MARCHF1: variants seen among roughly 807,000 people sequenced by gnomAD.
The protein encoded by MARCHF1 is membrane associated ring-CH-type finger 1, also known as E3 ubiquitin-protein ligase MARCHF1.
MARCHF1 carries 40 observed loss-of-function variants against 54.2 expected under a neutral mutation model. That is an observed-to-expected ratio of 0.74 (90% CI 0.57 to 0.96). The LOEUF (loss-of-function observed/expected upper bound fraction) is 0.96. Among genes scored for constraint, MARCHF1 ranks in the 40% least tolerant of loss-of-function variants. The probability of loss-of-function intolerance (pLI) is 0.00; values close to 1 mark genes in which losing one functional copy is unlikely to be tolerated. For synonymous variants in MARCHF1, 236 were observed against 236.3 expected (o/e 1.00, Z 0.01); for missense variants, 586 against 656.5 (o/e 0.89, Z 1.17).
At position 163,691,475 on chromosome 4, in the gene MARCHF1, T is replaced by C. The variant is rs551539516; in HGVS notation, c.162+9338A>G. Among the ~76,000 whole-genome samples, 5 of 152,178 alleles carry C rather than the reference T, an allele frequency of 3.3e-5. No homozygotes were observed. In the South Asian group the frequency reaches 1.0e-3, roughly 32 times the overall value. On this transcript the variant is annotated intron_variant, in intron 5 of 9. Transcript: ENST00000514618. ...TAGTGTGGCTGTAAGTGGAGAAATA[T>C]AGAAATTATGGCCTGATAAGAGAAT...
chr4:163,849,390 T>C (rs963117732), intron 4 of MARCHF1, among the ~76,000 whole-genome samples: 1 of 152,140 alleles, frequency 6.6e-6, no homozygotes, highest in Admixed American at 6.5e-5. Context: ...TTTAGATGGG[T>C]ATAATTTGTA....
rs17044871 is a variant in MARCHF1, at chr4:164,282,622, T to C, written c.-323+101248A>G. Reference sequence around the variant, plus strand: ...CCCTATTTCACTCAAAAATACTCAATTGGTCTTTTGGCCAGAATGCTTTTT... The same window carrying C: ...CCCTATTTCACTCAAAAATACTCAACTGGTCTTTTGGCCAGAATGCTTTTT... On this transcript the variant is annotated intron_variant, in intron 1 of 9. Coordinates refer to ENST00000514618, the MANE Select transcript of MARCHF1 (RefSeq NM_001394959.1). 6.3e-3 allele frequency among the ~76,000 whole-genome samples: 955 copies of C among 151,292 alleles called. 32 individuals carry two copies. The highest frequency in any genetic ancestry group is 0.022 in the African/African-American group (916 of 41,298).
intron 1 of MARCHF1, among the ~76,000 whole-genome samples, chr4:164,315,859 A>T (rs1300574750): frequency 6.6e-6 from 1 of 152,194 alleles, no homozygotes; most frequent in Admixed American, 6.5e-5. Context: ...GCTAAACATC[A>T]ACCTGATTTT....
At chr4:164,043,234 C>T (rs957254070) in intron 2 of MARCHF1, among the ~76,000 whole-genome samples, 2 of 152,208 alleles carry the variant, frequency 1.3e-5, no homozygotes, top group Non-Finnish European at 2.9e-5. Flanking sequence ...AAAGGTTCTC[C>T]ATGAGGGCTC....
At chr4:163,873,359 C>T (rs912924699) in intron 3 of MARCHF1, among the ~76,000 whole-genome samples, 6 of 152,168 alleles carry the variant, frequency 3.9e-5, no homozygotes, top group African/African-American at 1.4e-4. Flanking sequence ...TCTGCCACTC[C>T]AGACTTCCTT....
intron 1 of MARCHF1, among the ~76,000 whole-genome samples, chr4:164,239,944 GTACATGCT>G (rs1270871076): frequency 2.6e-5 from 4 of 152,120 alleles, no homozygotes; most frequent in African/African-American, 9.7e-5. Context: ...GCATTGATAA[GTACATGCT>G]TAAGTAGAGT....
intron 3 of MARCHF1, among the ~76,000 whole-genome samples, chr4:163,864,706 G>C (rs1346530827): frequency 6.6e-6 from 1 of 151,850 alleles, no homozygotes; most frequent in African/African-American, 2.4e-5. Context: ...TTTAAAAAAT[G>C]TGAATTATAT....
At chr4:164,036,133 A>C (rs1753995351) in intron 2 of MARCHF1, among the ~76,000 whole-genome samples, 1 of 57,872 alleles carries the variant, frequency 1.7e-5, no homozygotes, top group African/African-American at 1.7e-4. Context: ...ACAAAAAACA[A>C]AAAAAAAAAC....
At chr4:163,600,235 C>A (rs1171618433) in intron 7 of MARCHF1, among the ~76,000 whole-genome samples, 4 of 152,162 alleles carry the variant, frequency 2.6e-5, no homozygotes, top group South Asian at 4.1e-4. Flanking sequence ...ACTACACACA[C>A]ACACATATAT....
At chr4:163,749,827 C>T (rs566031098) in intron 4 of MARCHF1, among the ~76,000 whole-genome samples, 21 of 151,730 alleles carry the variant, frequency 1.4e-4, no homozygotes, top group Middle Eastern at 3.4e-3. Flanking sequence ...TTCGGGAGGC[C>T]GAGGCAGGCA....
At chr4:164,198,388 G>A (rs1187094863) in intron 1 of MARCHF1, among the ~76,000 whole-genome samples, 4 of 152,094 alleles carry the variant, frequency 2.6e-5, no homozygotes, top group Admixed American at 6.6e-5. Flanking sequence ...TGGCATGTAT[G>A]TTTATTTAGA....
At chr4:164,122,849 G>T (rs1008032859) in intron 1 of MARCHF1, among the ~76,000 whole-genome samples, 1 of 152,014 alleles carries the variant, frequency 6.6e-6, no homozygotes, top group African/African-American at 2.4e-5. Context: ...AAAACTGAAA[G>T]CCTTTCCTCT....
At chr4:163,793,211 C>A (rs796498714) in intron 4 of MARCHF1, among the ~76,000 whole-genome samples, 1 of 152,168 alleles carries the variant, frequency 6.6e-6, no homozygotes, top group Non-Finnish European at 1.5e-5. Context: ...CAAGTTGCCA[C>A]GGCAATGCAA....
intron 9 of MARCHF1, among the ~76,000 whole-genome samples, chr4:163,537,385 C>G (rs1246441776): frequency 6.6e-6 from 1 of 152,138 alleles, no homozygotes; most frequent in Non-Finnish European, 1.5e-5. Flanking sequence ...AATCTTTTCC[C>G]TGGGGATCCT....
intron 4 of MARCHF1, among the ~76,000 whole-genome samples, chr4:163,834,026 TTA>T (rs1483710172): frequency 1.3e-5 from 2 of 152,222 alleles, no homozygotes; most frequent in Non-Finnish European, 1.5e-5. Context: ...AAAAGCCATT[TTA>T]TGTGTTGTCT....
chr4:164,190,859 A>G lies in MARCHF1; in HGVS notation c.-322-79197T>C, dbSNP rs114781731. Among the ~76,000 whole-genome samples, 928 of 152,284 alleles carry G rather than the reference A, an allele frequency of 6.1e-3. 6 individuals carry two copies. Among genetic ancestry groups the G allele is most frequent in the African/African-American group, 0.021 (872 of 41,568 alleles). ...TCAGACTTTTTAGGGCAGAGGACAC[A>G]TTACTGAGCTAGCCACCTGGGCATG... On this transcript the variant is annotated intron_variant, in intron 1 of 9. Coordinates refer to ENST00000514618, the MANE Select transcript of MARCHF1 (RefSeq NM_001394959.1).
chr4:164,148,123 A>G (rs1411133719), intron 1 of MARCHF1, among the ~76,000 whole-genome samples: 1 of 144,432 alleles, frequency 6.9e-6, no homozygotes, highest in Non-Finnish European at 1.5e-5. Context: ...GATGATCATG[A>G]ACCGTGGTTT....
rs1738089847 is a variant in MARCHF1 at position 163,525,952 on chromosome 4, T to TAAAC, written c.*2792_*2795dup. 1 of 152,126 alleles carries TAAAC rather than the reference T, an allele frequency of 6.6e-6. No individual in the cohort carries two copies. Among genetic ancestry groups the TAAAC allele is most frequent in the African/African-American group, 2.4e-5 (1 of 41,458 alleles). The allele number at this position is 152,126 out of a possible 1,614,324, so 9.4% of individuals were successfully genotyped here. A position where few individuals can be genotyped will look rare whatever the true frequency, so the allele number is the denominator to read the frequency against. On this transcript the variant is annotated 3_prime_UTR_variant, in exon 10 of 10. Transcript: ENST00000514618. ...GTAGTTATTTCAGATGTTTGAACCA[T>TAAAC]AAACAAACAACCATTGCTGAAAAGC...
intron 4 of MARCHF1, among the ~76,000 whole-genome samples, chr4:163,852,134 T>G (rs893936884): frequency 4.6e-5 from 7 of 152,132 alleles, no homozygotes; most frequent in African/African-American, 1.7e-4. Context: ...AAATTGAGAT[T>G]ATGAGGTGTA....
Sources: gnomAD v4.1 joint callset for allele counts (sites outside exome capture counted in the v4.1 genomes callset) on GRCh38, gnomAD v4.1.1 for gene constraint, MANE v1.5 for transcripts, NCBI Gene and HGNC (gene_info 2026-07-23, HGNC 2026-07-21) for gene names.